PLEKHG6: variants seen among roughly 807,000 people sequenced by gnomAD.
The protein encoded by PLEKHG6 is pleckstrin homology and RhoGEF domain containing G6, also known as pleckstrin homology domain-containing family G member 6.
A neutral mutation model predicts 97.5 loss-of-function variants in PLEKHG6; 91 were observed. The observed-to-expected ratio is 0.93, with a 90% CI of 0.79 to 1.11. The LOEUF (loss-of-function observed/expected upper bound fraction) is 1.11. Ranked by LOEUF, PLEKHG6 falls within the 50% of genes most tolerant of loss-of-function variation. The probability of loss-of-function intolerance (pLI) is 0.00; values close to 1 mark genes in which losing one functional copy is unlikely to be tolerated. For missense variants in PLEKHG6, 1,044 were observed against 1,031.0 expected (o/e 1.01, Z -0.17); for synonymous variants, 466 against 425.5 (o/e 1.10, Z -1.17).
chr12:6,328,192 T>TC lies in PLEKHG6; in HGVS notation c.*51dup. ...ATGCATCTCTCCCAGAGGAGATCTC[T>TC]CCCCAGTAGTGCTGGTCACCCTCCG... On this transcript the variant is annotated 3_prime_UTR_variant, in exon 16 of 16. Transcript: ENST00000684764. 3.8e-6 allele frequency: 6 copies of TC among 1,582,486 alleles called. No homozygotes were observed. The highest frequency in any genetic ancestry group is 5.2e-6 in the Non-Finnish European group (6 of 1,151,624).
rs1383932781 is a variant in PLEKHG6, at chr12:6,316,090, A to G, written c.607-165A>G. On this transcript the variant is annotated intron_variant, in intron 6 of 15. Transcript: ENST00000684764. This position sits in a 1 kb window ranked among gnomAD's most constrained non-coding sequence, Gnocchi z 4.1. ...ACTCCAAGCAGGCCACAGGCCCCCC[A>G]TTTCTCAGACTGACATCCTTGAGAT... Among the ~76,000 whole-genome samples the G allele has an allele frequency of 6.6e-6, 1 of 151,900 alleles. No homozygotes were observed. The highest frequency in any genetic ancestry group is 1.5e-5 in the Non-Finnish European group (1 of 67,984).
chr12:6,323,823 T>A (rs1436139087), intron 13 of PLEKHG6, among the ~76,000 whole-genome samples: 1 of 152,174 alleles, frequency 6.6e-6, no homozygotes, highest in Admixed American at 6.5e-5. Context: ...GCCGTTGTCA[T>A]CATTAGAAGA....
At chr12:6,319,360 A>C in intron 13 of PLEKHG6, 3 of 650,566 alleles carry the variant, frequency 4.6e-6, no homozygotes, top group Non-Finnish European at 7.8e-6. Context: ...AGGCAGGAGA[A>C]TCACTTGAGC....
intron 7 of PLEKHG6, 145 bp from the exon 8 acceptor site, chr12:6,317,158 G>T (rs1353374723): frequency 6.5e-6 from 4 of 617,450 alleles, no homozygotes; most frequent in Non-Finnish European, 8.7e-6. Flanking sequence ...TTCCTGGGAG[G>T]ATCCTGGGAG....
At chr12:6,328,107 TCG>T (rs770307681) in intron 15 of PLEKHG6, 27 bp from the exon 16 acceptor site, 1 of 1,613,940 alleles carries the variant, frequency 6.2e-7, no homozygotes, top group South Asian at 1.1e-5. Context: ...CCACTGAATG[TCG>T]CCTAACACCC....
intron 13 of PLEKHG6, among the ~76,000 whole-genome samples, chr12:6,322,754 G>A (rs926997336): frequency 6.6e-6 from 1 of 152,112 alleles, no homozygotes; most frequent in South Asian, 2.1e-4. Context: ...GGTGGCGCAT[G>A]CCTGTAGTCC....
At chr12:6,314,961 G>T (rs1035646021) in intron 3 of PLEKHG6, 44 bp from the exon 4 acceptor site, 1 of 1,589,242 alleles carries the variant, frequency 6.3e-7, no homozygotes, top group Non-Finnish European at 8.6e-7. Context: ...GTGGCTGGGT[G>T]CCAAGGATGT....
chr12:6,319,596 C>T (rs1246660251), intron 13 of PLEKHG6: 1 of 1,535,680 alleles, frequency 6.5e-7, no homozygotes, highest in Admixed American at 2.0e-5. Flanking sequence ...CTCCACCATC[C>T]ATCAGAAGAC....
intron 13 of PLEKHG6, among the ~76,000 whole-genome samples, chr12:6,320,508 A>G (rs985887822): frequency 6.6e-6 from 1 of 151,704 alleles, no homozygotes; most frequent in Admixed American, 6.6e-5. Flanking sequence ...CAAAATTCCA[A>G]ACTCTTTCTC....
chr12:6,328,110 C>T, intron 15 of PLEKHG6, 26 bp from the exon 16 acceptor site: 3 of 1,614,006 alleles, frequency 1.9e-6, no homozygotes, highest in Non-Finnish European at 1.7e-6. Context: ...CTGAATGTCG[C>T]CTAACACCCC....
At chr12:6,312,519 T>A in intron 2 of PLEKHG6, 155 bp downstream of exon 2, 1 of 1,108,422 alleles carries the variant, frequency 9.0e-7, no homozygotes, top group Non-Finnish European at 1.2e-6. Context: ...AGGAGGGCAG[T>A]GACAGGGCCA....
At chr12:6,324,170 C>T (rs1001662616) in intron 13 of PLEKHG6, among the ~76,000 whole-genome samples, 2 of 152,100 alleles carry the variant, frequency 1.3e-5, no homozygotes, top group African/African-American at 2.4e-5. Flanking sequence ...TTAACCAAGC[C>T]GAGAAAATTC....
intron 2 of PLEKHG6, chr12:6,312,920 G>A: frequency 7.2e-7 from 1 of 1,392,182 alleles, no homozygotes; most frequent in Non-Finnish European, 9.4e-7. Flanking sequence ...CCTCCACCTT[G>A]AGGACAGTTC....
chr12:6,312,568 C>A, intron 2 of PLEKHG6: 1 of 1,215,680 alleles, frequency 8.2e-7, no homozygotes, highest in Non-Finnish European at 1.1e-6. Flanking sequence ...AGCAGCTGGG[C>A]AGGAGAGGCG....
chr12:6,313,821 G>A (rs776855770), intron 3 of PLEKHG6, 37 bp downstream of exon 3: 34 of 1,514,316 alleles, frequency 2.2e-5, no homozygotes, highest in Non-Finnish European at 1.6e-5. Flanking sequence ...CCACACATAC[G>A]GCCCCAATTG....
chr12:6,312,300 G>A lies in PLEKHG6; in HGVS notation c.74G>A (p.Gly25Asp). 2 of 1,565,976 alleles carry A rather than the reference G, an allele frequency of 1.3e-6. No homozygotes were observed. Among genetic ancestry groups the A allele is most frequent in the East Asian group, 2.4e-5 (1 of 41,434 alleles). ...LVASRIETYG[G>D]RHRASAQSTA... The stretch of plus-strand genomic sequence containing the variant: ...GCCTCCCGCATTGAGACTTATGGGG[G>A]CCGGCATCGAGCCTCTGCTCAGAGC... The change falls in exon 2 of 16, where the codon GGC becomes GAC. Residue 25 changes from glycine to aspartate, a missense_variant. Transcript: ENST00000684764.
chr12:6,319,848 A>G (rs1947644064), intron 13 of PLEKHG6: 1 of 168,100 alleles, frequency 5.9e-6, no homozygotes, highest in African/African-American at 2.4e-5. Context: ...AGTAATTAGT[A>G]TACAAACAAT....
Position 6,315,155 on chromosome 12 carries a change from G to T in PLEKHG6, c.445G>T (p.Val149Leu). ...LTIEKSWRELVPGHKEMSQEL... is the reference protein window; with the variant it reads ...LTIEKSWRELLPGHKEMSQEL... The stretch of plus-strand genomic sequence containing the variant: ...CATCGAGAAGTCCTGGAGGGAGCTG[G>T]TGCCTGGGCACAAGGTGAGCCTGAA... The change falls in exon 4 of 16, where the codon GTG becomes TTG. Residue 149 changes from valine to leucine, a missense_variant. Val to Leu is a conservative substitution (Grantham distance 32). Transcript: ENST00000684764. This position sits in a 1 kb window ranked among gnomAD's most constrained non-coding sequence, Gnocchi z 4.5. The T allele has an allele frequency of 6.2e-7, 1 of 1,611,246 alleles. No individual in the cohort carries two copies. The highest frequency in any genetic ancestry group is 8.5e-7 in the Non-Finnish European group (1 of 1,179,698).
Position 6,327,627 on chromosome 12 carries a change from G to A in PLEKHG6, c.2044G>A (p.Val682Met), listed in dbSNP as rs1248815232. 2 of 1,575,856 alleles carry A rather than the reference G, an allele frequency of 1.3e-6. No homozygotes were observed. Among genetic ancestry groups the A allele is most frequent in the South Asian group, 2.3e-5 (2 of 86,986 alleles). ...DGASERGNVVVETLHRARLRG... is the reference protein window; with the variant it reads ...DGASERGNVVMETLHRARLRG... ...GGCCTCCGAGCGAGGGAATGTGGTG[G>A]TGGAAACACTCCACAGGGCCCGGCT... The change falls in exon 15 of 16, where the codon GTG becomes ATG. Residue 682 changes from valine to methionine, a missense_variant. By Grantham distance (21) the Val-to-Met change is conservative. Transcript: ENST00000684764.
Sources: gnomAD v4.1 joint callset for allele counts (sites outside exome capture counted in the v4.1 genomes callset) on GRCh38, gnomAD v4.1.1 for gene constraint, Gnocchi (gnomAD v3.1) non-coding constraint, MANE v1.5 for transcripts, NCBI Gene and HGNC (gene_info 2026-07-23, HGNC 2026-07-21) for gene names.